The following TSPAN8 variants were observed in gnomAD, a reference collection of about 807,000 sequenced individuals.
The protein encoded by TSPAN8 is tetraspanin 8, also known as tetraspanin-8.
A neutral mutation model predicts 32.8 loss-of-function variants in TSPAN8; 21 were observed. The ratio of observed to expected loss-of-function variants is 0.64; its 90% CI spans 0.45 to 0.92. TSPAN8 has a LOEUF of 0.92. TSPAN8 is among the 40% of genes least tolerant of loss of function. The pLI is 0.00. For synonymous variants in TSPAN8, 95 were observed against 94.6 expected (o/e 1.00, Z -0.03); for missense variants, 269 against 281.9 (o/e 0.95, Z 0.33).
chr12:71,155,808 T>C (rs1565791042), intron 2 of TSPAN8, among the ~76,000 whole-genome samples: 4 of 151,982 alleles, frequency 2.6e-5, no homozygotes, highest in Admixed American at 2.0e-4. Flanking sequence ...CTCGGCTCAC[T>C]GCAACCTCCC....
At chr12:71,152,478 TTA>T (rs979986506) in intron 2 of TSPAN8, among the ~76,000 whole-genome samples, 2 of 152,326 alleles carry the variant, frequency 1.3e-5, no homozygotes, top group East Asian at 3.9e-4. Context: ...TCCTACTTCT[TTA>T]TATATATTAA....
chr12:71,157,394 T>A (rs1270400238), intron 2 of TSPAN8: 1 of 452,088 alleles, frequency 2.2e-6, no homozygotes, highest in Non-Finnish European at 4.0e-6. Flanking sequence ...AAAACATTTA[T>A]GAAATGTTTA....
chr12:71,155,287 A>C (rs1872390289), intron 2 of TSPAN8, among the ~76,000 whole-genome samples: 1 of 152,212 alleles, frequency 6.6e-6, no homozygotes, highest in Admixed American at 6.5e-5. Flanking sequence ...AATGGCTACG[A>C]ACGTCACAAA....
chr12:71,132,861 A>T (rs1871563657), intron 6 of TSPAN8, 37 bp from the exon 7 acceptor site: 1 of 1,611,622 alleles, frequency 6.2e-7, no homozygotes, highest in African/African-American at 1.3e-5. Flanking sequence ...GCAGTCAGTA[A>T]GAAGATTAAA....
chr12:71,136,615 G>A (rs919679171), intron 6 of TSPAN8, among the ~76,000 whole-genome samples: 1 of 152,212 alleles, frequency 6.6e-6, no homozygotes, highest in Non-Finnish European at 1.5e-5. Flanking sequence ...TTACTCTTTA[G>A]AGAGTAGTAC....
chr12:71,157,037 C>G (rs1184930901), intron 2 of TSPAN8: 3 of 152,186 alleles, frequency 2.0e-5, no homozygotes, highest in African/African-American at 7.2e-5. Flanking sequence ...GATGACACAT[C>G]AAAATACTGA....
Position 71,156,254 on chromosome 12 carries a change from AAAAAAAAAAAAAAACAAAC to A in TSPAN8, c.60+1346_60+1364del, listed in dbSNP as rs1030450722. Among the ~76,000 whole-genome samples the A allele has an allele frequency of 1.1e-4, 11 of 99,804 alleles. 1 individual carries two copies. Among genetic ancestry groups the A allele is most frequent in the Admixed American group, 2.2e-4 (2 of 8,894 alleles). 65.5% of individuals were successfully genotyped at this position (99,804 alleles called of 152,430 possible). A position where few individuals can be genotyped will look rare whatever the true frequency, so the allele number is the denominator to read the frequency against. ...TAGTGAATATTCAAAGTTCTCCAAAAAAAAAAAAAAAAAACAAACAAAAAAAAAACTAGAAACAAAACAA... is the reference window on the plus strand; with the variant it reads ...TAGTGAATATTCAAAGTTCTCCAAAAAAAAAAAAAACTAGAAACAAAACAA... On this transcript the variant is annotated intron_variant, in intron 2 of 8. Transcript: ENST00000247829.
intron 2 of TSPAN8, among the ~76,000 whole-genome samples, chr12:71,154,953 GC>G (rs1872378378): frequency 6.6e-6 from 1 of 152,178 alleles, no homozygotes; most frequent in African/African-American, 2.4e-5. Flanking sequence ...GGAACAAATT[GC>G]ACATTAATAA....
chr12:71,128,657 A>ATTT lies in TSPAN8; in HGVS notation c.660+673_660+674insAAA, dbSNP rs1260528581. 4.8e-3 allele frequency among the ~76,000 whole-genome samples: 670 copies of ATTT among 138,930 alleles called. 3 individuals are homozygous for ATTT. The highest frequency in any genetic ancestry group is 0.016 in the African/African-American group (580 of 37,366). The allele number at this position is 138,930 out of a possible 152,430, so 91.1% of individuals were successfully genotyped here. Reference sequence around the variant, plus strand: ...ATCTTTCAGGTTTTTTTTTTTTTTAAAAAAAAAACATGCCAAGAAAGTTCA... The same window carrying ATTT: ...ATCTTTCAGGTTTTTTTTTTTTTTAATTTAAAAAAAACATGCCAAGAAAGTTCA... On this transcript the variant is annotated intron_variant, in intron 8 of 8. Transcript: ENST00000247829.
chr12:71,133,680 G>C (rs947066798), intron 6 of TSPAN8, among the ~76,000 whole-genome samples: 1 of 152,098 alleles, frequency 6.6e-6, no homozygotes, highest in African/African-American at 2.4e-5. Context: ...GAAGCTCTTA[G>C]AATGTCAGGA....
chr12:71,149,160 T>C (rs1872165460), intron 2 of TSPAN8, among the ~76,000 whole-genome samples: 1 of 151,966 alleles, frequency 6.6e-6, no homozygotes. Context: ...AGGTCAGGAG[T>C]TCAAGACCAG....
intron 7 of TSPAN8, 109 bp from the exon 8 acceptor site, chr12:71,129,523 C>T: frequency 8.6e-7 from 1 of 1,169,128 alleles, no homozygotes; most frequent in Non-Finnish European, 1.1e-6. Context: ...TCAAGAAACA[C>T]ACTTAACGAC....
chr12:71,144,867 C>G (rs1427772426), intron 2 of TSPAN8, among the ~76,000 whole-genome samples: 3 of 151,950 alleles, frequency 2.0e-5, no homozygotes, highest in Non-Finnish European at 2.9e-5. Context: ...AATGATTTTA[C>G]CAGATTATTT....
rs557763667 is a variant in TSPAN8 at position 71,129,681 on chromosome 12, AAAT to A, written c.577-270_577-268del. Among the ~76,000 whole-genome samples the A allele has an allele frequency of 8.5e-5, 13 of 152,298 alleles. No homozygotes were observed. The East Asian group carries it at 2.1e-3, about 25-fold the overall frequency. Reference sequence around the variant, plus strand: ...GTTGAATCTAGGGATTAATAATTACAAATAATAATTTTTCACCAACATATCCTC... The same window carrying A: ...GTTGAATCTAGGGATTAATAATTACAAATAATTTTTCACCAACATATCCTC... On this transcript the variant is annotated intron_variant, in intron 7 of 8. Coordinates refer to ENST00000247829, the MANE Select transcript of TSPAN8 (RefSeq NM_004616.3).
At chr12:71,150,196 G>A (rs1872207306) in intron 2 of TSPAN8, among the ~76,000 whole-genome samples, 1 of 152,156 alleles carries the variant, frequency 6.6e-6, no homozygotes, top group African/African-American at 2.4e-5. Flanking sequence ...CCTGTTTTCT[G>A]TTGTTTAAGA....
In TSPAN8 at chr12:71,152,534, C is replaced by G. The variant is rs1482292135; in HGVS notation, c.60+5085G>C. On this transcript the variant is annotated intron_variant, in intron 2 of 8. Coordinates refer to ENST00000247829, the MANE Select transcript of TSPAN8 (RefSeq NM_004616.3). Reference sequence around the variant, plus strand: ...CAAACCCATGAGGTAGATACTACTACTATCCCCATTTTTACAGATGAGGAC... The same window carrying G: ...CAAACCCATGAGGTAGATACTACTAGTATCCCCATTTTTACAGATGAGGAC... Among the ~76,000 whole-genome samples, 5 of 152,174 alleles carry G rather than the reference C, an allele frequency of 3.3e-5. No individual in the cohort carries two copies. The East Asian group carries it at 9.6e-4, about 29-fold the overall frequency.
At chr12:71,139,119 T>C (rs1336332575) in intron 4 of TSPAN8, 25 of 456,092 alleles carry the variant, frequency 5.5e-5, no homozygotes, top group Non-Finnish European at 4.8e-5. Context: ...TAGCATGGCA[T>C]GTAGAACACC....
At chr12:71,135,566 G>A (rs67877703) in intron 6 of TSPAN8, among the ~76,000 whole-genome samples, 58,914 of 151,306 alleles carry the variant, frequency 0.39, 12,549 homozygotes, top group East Asian at 0.57. Context: ...AGGAGGAGAA[G>A]AAGAAGACTC....
At chr12:71,151,988 T>C (rs973144831) in intron 2 of TSPAN8, among the ~76,000 whole-genome samples, 1 of 152,230 alleles carries the variant, frequency 6.6e-6, no homozygotes, top group African/African-American at 2.4e-5. Flanking sequence ...ATGTATAAAA[T>C]ACTGTCACAG....
Sources: allele counts gnomAD v4.1 joint callset (sites outside exome capture counted in the v4.1 genomes callset), GRCh38; gene constraint gnomAD v4.1.1; transcripts MANE v1.5; gene names NCBI Gene and HGNC (gene_info 2026-07-23, HGNC 2026-07-21).